The following PPEF2 variants were observed in gnomAD, a reference collection of about 807,000 sequenced individuals.
The protein encoded by PPEF2 is protein phosphatase with EF-hand domain 2.
A neutral mutation model predicts 84.7 loss-of-function variants in PPEF2; 84 were observed. The observed-to-expected ratio is 0.99, with a 90% CI of 0.83 to 1.19. The LOEUF (loss-of-function observed/expected upper bound fraction) is 1.19, where lower values mean the gene tolerates loss of function less well. PPEF2 is among the 50% of genes most tolerant of loss of function. PPEF2 has a pLI of 0.00. For missense variants in PPEF2, 924 were observed against 937.5 expected (o/e 0.99, Z 0.19); for synonymous variants, 346 against 345.2 (o/e 1.00, Z -0.03).
intron 8 of PPEF2, among the ~76,000 whole-genome samples, chr4:75,884,156 C>CG (rs1560485250): frequency 6.6e-6 from 1 of 151,542 alleles, no homozygotes; most frequent in African/African-American, 2.4e-5. Context: ...TGGCTGTGTG[C>CG]GGTGGCTCAC....
At chr4:75,885,806 C>T (rs780409034) in intron 7 of PPEF2, among the ~76,000 whole-genome samples, 79 of 152,174 alleles carry the variant, frequency 5.2e-4, no homozygotes, top group South Asian at 1.9e-3. Flanking sequence ...GTCAGGAGTT[C>T]GAGACCAGCC....
At position 75,896,180 on chromosome 4, in the gene PPEF2, T is replaced by C. The variant is rs571003838; in HGVS notation, c.55+91A>G. On this transcript the variant is annotated intron_variant, in intron 2 of 16. Coordinates refer to ENST00000286719, the MANE Select transcript of PPEF2 (RefSeq NM_006239.3). ...GGCCTGAGGAGAAATTTAAGGGTTT[T>C]TCTGCTTCTACCCTCAGAACCCCCA... 84 of 1,435,930 alleles carry C rather than the reference T, an allele frequency of 5.8e-5. No homozygotes were observed. The South Asian group carries it at 9.0e-4, about 15-fold the overall frequency. The allele number at this position is 1,435,930 out of a possible 1,614,324, so 88.9% of individuals were successfully genotyped here. A position where few individuals can be genotyped will look rare whatever the true frequency, so the allele number is the denominator to read the frequency against.
intron 13 of PPEF2, among the ~76,000 whole-genome samples, chr4:75,869,936 A>G (rs1291991868): frequency 6.6e-6 from 1 of 152,162 alleles, no homozygotes; most frequent in Middle Eastern, 3.2e-3. Context: ...GGCTGCTCAG[A>G]GACATTTCCC....
intron 16 of PPEF2, among the ~76,000 whole-genome samples, chr4:75,861,337 G>A (rs1723994307): frequency 1.3e-5 from 2 of 151,730 alleles, no homozygotes; most frequent in Admixed American, 1.3e-4. Context: ...AATTTATTCT[G>A]GCCATTAAAA....
chr4:75,865,027 C>T (rs1724093509), intron 15 of PPEF2, among the ~76,000 whole-genome samples: 1 of 152,054 alleles, frequency 6.6e-6, no homozygotes, highest in Non-Finnish European at 1.5e-5. Flanking sequence ...ACCTCCGCCT[C>T]CCGGGTTCAA....
chr4:75,886,531 G>A (rs1418795242), intron 7 of PPEF2, among the ~76,000 whole-genome samples: 1 of 152,040 alleles, frequency 6.6e-6, no homozygotes, highest in Non-Finnish European at 1.5e-5. Context: ...GTCAGCCCTC[G>A]ACACAAGGGT....
At chr4:75,876,044 CT>C (rs1168574714) in intron 11 of PPEF2, among the ~76,000 whole-genome samples, 3 of 152,212 alleles carry the variant, frequency 2.0e-5, no homozygotes, top group South Asian at 2.1e-4. Flanking sequence ...TCTTCTTACC[CT>C]ACTAGTGCTC....
chr4:75,865,074 T>C (rs1207289495), intron 15 of PPEF2, among the ~76,000 whole-genome samples: 10 of 151,432 alleles, frequency 6.6e-5, no homozygotes, highest in African/African-American at 2.4e-4. Flanking sequence ...GTAGCTGGGA[T>C]TACAGACATG....
chr4:75,877,171 C>T (rs1297330115), intron 10 of PPEF2, among the ~76,000 whole-genome samples: 1 of 151,708 alleles, frequency 6.6e-6, no homozygotes, highest in African/African-American at 2.4e-5. Flanking sequence ...AACCCCATCT[C>T]TCCTAAAAAT....
At chr4:75,863,213 C>A (rs1297121747) in intron 16 of PPEF2, among the ~76,000 whole-genome samples, 1 of 151,618 alleles carries the variant, frequency 6.6e-6, no homozygotes, top group Non-Finnish European at 1.5e-5. Context: ...TGTTCTAGGC[C>A]AGGTGCAGTG....
In PPEF2 at chr4:75,896,395, AAG is replaced by A; in HGVS notation, c.-58-14_-58-13del. On this transcript the variant is annotated splice_polypyrimidine_tract_variant and intron_variant, in intron 1 of 16. Transcript: ENST00000286719. ...CAGTGAGCTGTTTGCTGACAAAATG[AAG>A]AGAGAATCTGTAATAGGAGATGCAG... The A allele has an allele frequency of 1.3e-6, 2 of 1,536,674 alleles. No homozygotes were observed.
At chr4:75,899,305 T>C (rs1725070710) in intron 1 of PPEF2, among the ~76,000 whole-genome samples, 1 of 152,238 alleles carries the variant, frequency 6.6e-6, no homozygotes, top group African/African-American at 2.4e-5. Context: ...TTGTGAATAA[T>C]GTTACAATAA....
chr4:75,892,946 G>A (rs1002402833), intron 2 of PPEF2, among the ~76,000 whole-genome samples: 1 of 152,136 alleles, frequency 6.6e-6, no homozygotes, highest in Non-Finnish European at 1.5e-5. Context: ...GGCTGACTCA[G>A]GTCAACCTCA....
chr4:75,867,428 G>T lies in PPEF2; in HGVS notation c.1650-9C>A. The T allele has an allele frequency of 6.2e-7, 1 of 1,600,224 alleles. No homozygotes were observed. Among genetic ancestry groups the T allele is most frequent in the Middle Eastern group, 1.7e-4 (1 of 6,034 alleles). On this transcript the variant is annotated splice_polypyrimidine_tract_variant and intron_variant, in intron 13 of 16. Coordinates refer to ENST00000286719, the MANE Select transcript of PPEF2 (RefSeq NM_006239.3). Reference sequence around the variant, plus strand: ...CCTCCACTCTGCTAATCCTGGGACAGGAGATGAAAAGCGACATTTTAACAC... The same window carrying T: ...CCTCCACTCTGCTAATCCTGGGACATGAGATGAAAAGCGACATTTTAACAC...
Position 75,890,133 on chromosome 4 carries a change from C to G in PPEF2, c.242-1G>C. 1 of 1,613,724 alleles carries G rather than the reference C, an allele frequency of 6.2e-7. No individual in the cohort carries two copies. Among genetic ancestry groups the G allele is most frequent in the African/African-American group, 1.3e-5 (1 of 74,992 alleles). On this transcript the variant is annotated splice_acceptor_variant, in intron 4 of 16. Transcript: ENST00000286719. LOFTEE classifies it high-confidence loss of function. ...GTGAATATGCGGGTCAGGAAGTCCC[C>G]TAGTCCAGATAGAAAAGGTGGATCA...
chr4:75,887,862 T>A (rs1380962813), intron 6 of PPEF2, among the ~76,000 whole-genome samples: 1 of 152,218 alleles, frequency 6.6e-6, no homozygotes, highest in Non-Finnish European at 1.5e-5. Context: ...AGGAATAATT[T>A]GCTAGTCATC....
At chr4:75,900,300 G>T (rs940787576) in intron 1 of PPEF2, among the ~76,000 whole-genome samples, 2 of 152,072 alleles carry the variant, frequency 1.3e-5, no homozygotes, top group African/African-American at 2.4e-5. Context: ...GACCTACAAA[G>T]AATTTATTGG....
At chr4:75,889,353 C>T (rs1724819202) in intron 5 of PPEF2, 1 of 152,530 alleles carries the variant, frequency 6.6e-6, no homozygotes, top group Non-Finnish European at 1.5e-5. Context: ...ACAGTGGCCT[C>T]CCGAGGTTCG....
chr4:75,872,009 C>A lies in PPEF2; in HGVS notation c.1649+16G>T. Reference sequence around the variant, plus strand: ...ATAATTTTTTTTTCTGAAAATCACTCATTGAAAAGTCTTGCCTTTGCCTCA... The same window carrying A: ...ATAATTTTTTTTTCTGAAAATCACTAATTGAAAAGTCTTGCCTTTGCCTCA... On this transcript the variant is annotated intron_variant, in intron 13 of 16. Coordinates refer to ENST00000286719, the MANE Select transcript of PPEF2 (RefSeq NM_006239.3). 1 of 1,558,926 alleles carries A rather than the reference C, an allele frequency of 6.4e-7. No homozygotes were observed. Among genetic ancestry groups the A allele is most frequent in the Non-Finnish European group, 8.7e-7 (1 of 1,155,036 alleles).
Sources: allele counts gnomAD v4.1 joint callset (sites outside exome capture counted in the v4.1 genomes callset), GRCh38; gene constraint gnomAD v4.1.1; transcripts MANE v1.5; gene names NCBI Gene and HGNC (gene_info 2026-07-23, HGNC 2026-07-21).